MSRB2: variants seen among roughly 807,000 people sequenced by gnomAD.
MSRB2 encodes methionine-R-sulfoxide reductase B2, mitochondrial.
Under a neutral mutation model 19.0 loss-of-function variants are expected in MSRB2, and 17 were observed. The ratio of observed to expected loss-of-function variants is 0.89; its 90% CI spans 0.61 to 1.34. MSRB2 has a LOEUF of 1.34. Ranked by LOEUF, MSRB2 falls within the 40% of genes most tolerant of loss-of-function variation. The probability of loss-of-function intolerance (pLI) is 0.00; values close to 1 mark genes in which losing one functional copy is unlikely to be tolerated. For missense variants in MSRB2, 208 were observed against 237.6 expected, an observed-to-expected ratio of 0.88 and a Z score of 0.82; for synonymous variants, 107 against 99.7, an observed-to-expected ratio of 1.07 and a Z score of -0.44.
At chr10:23,106,295 G>A (rs1588968828) in intron 2 of MSRB2, among the ~76,000 whole-genome samples, 1 of 152,076 alleles carries the variant, frequency 6.6e-6, no homozygotes, top group South Asian at 2.1e-4. Flanking sequence ...ATAAAACATC[G>A]AAGGCTTCTC....
chr10:23,101,368 C>T (rs1839924735), intron 1 of MSRB2, among the ~76,000 whole-genome samples: 1 of 152,104 alleles, frequency 6.6e-6, no homozygotes, highest in South Asian at 2.1e-4. Flanking sequence ...AGTAGTATTC[C>T]ATAGTCTATA....
chr10:23,119,124 C>T lies in MSRB2; in HGVS notation c.297-180C>T, dbSNP rs767063004. 33 of 743,758 alleles carry T rather than the reference C, an allele frequency of 4.4e-5. No individual in the cohort carries two copies. The East Asian group carries it at 8.2e-4, about 19-fold the overall frequency. 46.1% of individuals were successfully genotyped at this position (743,758 alleles called of 1,614,324 possible). ...CTTCCACTTCGAGAGGCAATGGCTT[C>T]GATAGTGAAGGTGCAGTGAGGACGA... On this transcript the variant is annotated intron_variant, in intron 3 of 4. Coordinates refer to ENST00000376510, the MANE Select transcript of MSRB2 (RefSeq NM_012228.4).
chr10:23,110,405 A>G, intron 3 of MSRB2, 87 bp downstream of exon 3: 2 of 971,954 alleles, frequency 2.1e-6, no homozygotes, highest in Non-Finnish European at 3.2e-6. Context: ...GGATAAATAA[A>G]TACCCATAAT....
At position 23,095,979 on chromosome 10, in the gene MSRB2, A is replaced by AT. The variant is rs1005993379; in HGVS notation, c.118+263dup. On this transcript the variant is annotated intron_variant, in intron 1 of 4. Transcript: ENST00000376510. ...AATGATCCCCCTAAATGTGCGCATA[A>AT]TTTTTTTTTTCTTGGCTCGGGGAGT... Among the ~76,000 whole-genome samples the AT allele has an allele frequency of 9.5e-5, 14 of 148,126 alleles. No individual in the cohort carries two copies. The East Asian group carries it at 1.0e-3, about 11-fold the overall frequency.
chr10:23,111,233 G>A (rs917578531), intron 3 of MSRB2, among the ~76,000 whole-genome samples: 2 of 152,194 alleles, frequency 1.3e-5, no homozygotes, highest in Admixed American at 6.5e-5. Flanking sequence ...GCCTTTGCCC[G>A]GATGCATTCA....
At chr10:23,110,664 A>T (rs149954446) in intron 3 of MSRB2, among the ~76,000 whole-genome samples, 2 of 152,206 alleles carry the variant, frequency 1.3e-5, no homozygotes, top group African/African-American at 4.8e-5. Context: ...AAGAAATCTA[A>T]ACCGTGATTA....
intron 3 of MSRB2, among the ~76,000 whole-genome samples, chr10:23,118,578 T>G (rs970977434): frequency 4.6e-5 from 7 of 152,106 alleles, no homozygotes. Context: ...TAGGTTTCAC[T>G]GCAGTGATTG....
At chr10:23,097,138 C>T (rs1206953024) in intron 1 of MSRB2, among the ~76,000 whole-genome samples, 3 of 152,230 alleles carry the variant, frequency 2.0e-5, no homozygotes, top group African/African-American at 7.2e-5. Context: ...CTGGCTGTAA[C>T]CCAAATCAGT....
chr10:23,107,005 C>A (rs530275349), intron 2 of MSRB2, among the ~76,000 whole-genome samples: 42 of 152,300 alleles, frequency 2.8e-4, no homozygotes, highest in African/African-American at 9.9e-4. Context: ...CTGACCCTGG[C>A]CCCTCCCTGT....
At chr10:23,103,280 C>T (rs991417670) in intron 1 of MSRB2, among the ~76,000 whole-genome samples, 2 of 152,178 alleles carry the variant, frequency 1.3e-5, no homozygotes, top group Non-Finnish European at 2.9e-5. Flanking sequence ...GCTGGCATCA[C>T]GGGCATTCAA....
In MSRB2 at chr10:23,098,512, GATAA is replaced by G. The variant is rs1360102598; in HGVS notation, c.118+2789_118+2792del. Reference sequence around the variant, plus strand: ...GTTATCTCATGCAATAGCAGCAACCGATAAATGTTTTCATAGTGAAGATAGCAAG... The same window carrying G: ...GTTATCTCATGCAATAGCAGCAACCGATGTTTTCATAGTGAAGATAGCAAG... On this transcript the variant is annotated intron_variant, in intron 1 of 4. Coordinates refer to ENST00000376510, the MANE Select transcript of MSRB2 (RefSeq NM_012228.4). Among the ~76,000 whole-genome samples the G allele has an allele frequency of 8.5e-5, 13 of 152,288 alleles. 1 individual carries two copies. The highest frequency in any genetic ancestry group is 5.9e-4 in the Admixed American group (9 of 15,298).
intron 3 of MSRB2, among the ~76,000 whole-genome samples, chr10:23,115,008 C>T (rs1466154057): frequency 6.6e-6 from 1 of 152,146 alleles, no homozygotes; most frequent in Non-Finnish European, 1.5e-5. Flanking sequence ...TCATGAGTTC[C>T]CTTTCCAGAG....
rs191932981 is a variant in MSRB2 at position 23,110,263 on chromosome 10, A to G, written c.241A>G (p.Asn81Asp). The part of the protein sequence containing the change: ...TEPPFSGIYL[N>D]NKEAGMYHCV... ...TCAGCCTTTCAGTGGGATCTACCTG[A>G]ATAACAAGGAAGCAGGAATGTATCA... Residue 81 changes from asparagine to aspartate, a missense_variant, in exon 3 of 5, where the codon AAT becomes GAT. Physicochemically the swap from Asn to Asp is conservative, Grantham distance 23. Coordinates refer to ENST00000376510, the MANE Select transcript of MSRB2 (RefSeq NM_012228.4). 354 of 1,613,936 alleles carry G rather than the reference A, an allele frequency of 2.2e-4. 4 individuals carry two copies. The African/African-American group carries it at 3.3e-3, about 15-fold the overall frequency.
rs71395829 is a variant in MSRB2, at chr10:23,109,540, C to CAA, written c.220-687_220-686dup. Among the ~76,000 whole-genome samples the CAA allele has an allele frequency of 7.3e-3, 1,009 of 138,196 alleles. 6 individuals carry two copies. Among genetic ancestry groups the CAA allele is most frequent in the African/African-American group, 0.022 (794 of 36,610 alleles). The allele number at this position is 138,196 out of a possible 152,430, so 90.7% of individuals were successfully genotyped here. A position where few individuals can be genotyped will look rare whatever the true frequency, so the allele number is the denominator to read the frequency against. Reference sequence around the variant, plus strand: ...CCTGGGTGACAGTGAGACTTCATCTCAAAAAAAAAAAAAAAATCAAGTTTG... The same window carrying CAA: ...CCTGGGTGACAGTGAGACTTCATCTCAAAAAAAAAAAAAAAAAATCAAGTTTG... On this transcript the variant is annotated intron_variant, in intron 2 of 4. Coordinates refer to ENST00000376510, the MANE Select transcript of MSRB2 (RefSeq NM_012228.4).
chr10:23,105,853 C>G (rs1032521965), intron 2 of MSRB2, among the ~76,000 whole-genome samples: 4 of 152,188 alleles, frequency 2.6e-5, no homozygotes, highest in African/African-American at 9.7e-5. Flanking sequence ...CCAATAAAGT[C>G]CCCTGAAATG....
Position 23,119,316 on chromosome 10 carries a change from G to A in MSRB2, c.309G>A (p.Lys103=). 1.9e-6 allele frequency: 3 copies of A among 1,614,076 alleles called. No individual in the cohort carries two copies. Among genetic ancestry groups the A allele is most frequent in the Non-Finnish European group, 2.5e-6 (3 of 1,179,980 alleles). The change falls in exon 4 of 5, where the codon AAG becomes AAA. Residue 103 remains lysine, a synonymous_variant. Coordinates refer to ENST00000376510, the MANE Select transcript of MSRB2 (RefSeq NM_012228.4). The stretch of plus-strand genomic sequence containing the variant: ...ATGTCTTCCACAGTTCTGAGAAAAA[G>A]TACTGCTCTGGCACTGGGTGGCCTT... ...CDSPLFSSEK[K]YCSGTGWPSF...
intron 3 of MSRB2, among the ~76,000 whole-genome samples, chr10:23,118,462 G>A (rs1412689105): frequency 6.6e-6 from 1 of 150,692 alleles, no homozygotes; most frequent in African/African-American, 2.4e-5. Flanking sequence ...ATTTAAGGGA[G>A]CTTATCCATG....
chr10:23,104,631 C>G (rs1839964541), intron 2 of MSRB2, among the ~76,000 whole-genome samples: 1 of 152,124 alleles, frequency 6.6e-6, no homozygotes, highest in Non-Finnish European at 1.5e-5. Flanking sequence ...CAGCTCAAAA[C>G]CTTTGGTGGC....
intron 2 of MSRB2, among the ~76,000 whole-genome samples, chr10:23,109,664 C>T (rs1840028281): frequency 6.6e-6 from 1 of 152,158 alleles, no homozygotes; most frequent in South Asian, 2.1e-4. Flanking sequence ...ACCCTGTAAC[C>T]CACAATGAAC....
Sources: allele counts gnomAD v4.1 joint callset (sites outside exome capture counted in the v4.1 genomes callset), GRCh38; gene constraint gnomAD v4.1.1; transcripts MANE v1.5; gene names NCBI Gene and HGNC (gene_info 2026-07-23, HGNC 2026-07-21).